ASTN2: variants seen among roughly 807,000 people sequenced by gnomAD.
ASTN2 encodes astrotactin 2.
A neutral mutation model predicts 139.8 loss-of-function variants in ASTN2; 54 were observed. That is an observed-to-expected ratio of 0.39 (90% CI 0.31 to 0.48). The LOEUF (loss-of-function observed/expected upper bound fraction) is 0.48. Ranked by LOEUF, ASTN2 falls within the 20% of genes least tolerant of loss-of-function variation. ASTN2 has a pLI of 0.95. For missense variants in ASTN2, 1,565 were observed against 1,725.1 expected (o/e 0.91, Z 1.64); for synonymous variants, 756 against 719.5 (o/e 1.05, Z -0.81).
At chr9:117,254,225 A>G (rs748459548) in intron 2 of ASTN2, among the ~76,000 whole-genome samples, 1 of 152,188 alleles carries the variant, frequency 6.6e-6, no homozygotes, top group Non-Finnish European at 1.5e-5. Context: ...CATGGTGAGC[A>G]TTCACTAAAT....
At chr9:116,725,748 T>C (rs933561845) in intron 16 of ASTN2, 23 bp downstream of exon 16, 3 of 1,607,684 alleles carry the variant, frequency 1.9e-6, no homozygotes, top group Admixed American at 3.3e-5. Flanking sequence ...GGCCACCTCC[T>C]ACAGTAGGCA....
chr9:117,280,415 G>A (rs2133142496), intron 2 of ASTN2, among the ~76,000 whole-genome samples: 1 of 152,206 alleles, frequency 6.6e-6, no homozygotes, highest in East Asian at 1.9e-4. Flanking sequence ...ATGTAATTGA[G>A]TAAAAAAATC....
intron 5 of ASTN2, among the ~76,000 whole-genome samples, chr9:117,052,443 AAAAAAAAAG>A (rs1838940967): frequency 6.6e-6 from 1 of 151,782 alleles, no homozygotes; most frequent in African/African-American, 2.4e-5. Flanking sequence ...TTAAAAAAAA[AAAAAAAAAG>A]AAAGAAAGAT....
Position 116,908,004 on chromosome 9 carries a change from G to A in ASTN2, c.1890-44271C>T, listed in dbSNP as rs147257115. ...CAGAACTGAGTTATTAGCTAAATGC[G>A]GATAGCCTCACCCCTCACATTTTGA... On this transcript the variant is annotated intron_variant, in intron 10 of 22. Coordinates refer to ENST00000313400, the MANE Select transcript of ASTN2 (RefSeq NM_001365068.1). Among the ~76,000 whole-genome samples, 833 of 152,256 alleles carry A rather than the reference G, an allele frequency of 5.5e-3. 5 individuals carry two copies. Among genetic ancestry groups the A allele is most frequent in the African/African-American group, 0.019 (778 of 41,546 alleles).
At chr9:116,940,634 G>A (rs1199512035) in intron 10 of ASTN2, among the ~76,000 whole-genome samples, 2 of 152,128 alleles carry the variant, frequency 1.3e-5, no homozygotes, top group African/African-American at 4.8e-5. Flanking sequence ...GTTACTACAA[G>A]TCAAAAAGTT....
intron 20 of ASTN2, among the ~76,000 whole-genome samples, chr9:116,486,150 C>A (rs1369912610): frequency 6.6e-6 from 1 of 152,104 alleles, no homozygotes; most frequent in East Asian, 1.9e-4. Context: ...AATGTCAAAG[C>A]CAGATTTGAA....
chr9:117,405,923 G>A (rs1357143340), intron 1 of ASTN2, among the ~76,000 whole-genome samples: 1 of 152,178 alleles, frequency 6.6e-6, no homozygotes, highest in East Asian at 1.9e-4. Flanking sequence ...TCAGGAGACA[G>A]GAGAAGGTAG....
chr9:116,675,617 G>GA (rs1344037694), intron 16 of ASTN2, among the ~76,000 whole-genome samples: 1 of 152,144 alleles, frequency 6.6e-6, no homozygotes, highest in Non-Finnish European at 1.5e-5. Flanking sequence ...CTTGATCAGG[G>GA]ATCTGATTTG....
At chr9:116,961,507 A>G (rs1267646308) in intron 10 of ASTN2, among the ~76,000 whole-genome samples, 1 of 152,172 alleles carries the variant, frequency 6.6e-6, no homozygotes, top group Non-Finnish European at 1.5e-5. Flanking sequence ...CCCTTAGCAT[A>G]GTGTCCTCAA....
chr9:117,398,738 A>G (rs1201799639), intron 1 of ASTN2, among the ~76,000 whole-genome samples: 2 of 152,174 alleles, frequency 1.3e-5, no homozygotes, highest in Non-Finnish European at 2.9e-5. Context: ...TTTCCTTTAC[A>G]ATATCTCCGA....
At chr9:117,020,364 T>C (rs146711350) in intron 6 of ASTN2, among the ~76,000 whole-genome samples, 2 of 151,690 alleles carry the variant, frequency 1.3e-5, no homozygotes, top group Non-Finnish European at 2.9e-5. Context: ...GGTCTCTAGC[T>C]AATTGCCAAG....
chr9:117,129,189 C>T (rs1340781250), intron 4 of ASTN2, among the ~76,000 whole-genome samples: 2 of 152,158 alleles, frequency 1.3e-5, no homozygotes, highest in Non-Finnish European at 2.9e-5. Context: ...GGATTGAAGG[C>T]AAATACCACT....
chr9:117,301,355 AC>A (rs1166519351), intron 1 of ASTN2, among the ~76,000 whole-genome samples: 1 of 152,194 alleles, frequency 6.6e-6, no homozygotes, highest in Non-Finnish European at 1.5e-5. Flanking sequence ...AGAGTGGGTG[AC>A]TAAAGAATGG....
At chr9:117,369,378 C>A (rs1234487253) in intron 1 of ASTN2, among the ~76,000 whole-genome samples, 1 of 151,942 alleles carries the variant, frequency 6.6e-6, no homozygotes, top group Non-Finnish European at 1.5e-5. Flanking sequence ...GGGCCAGGCA[C>A]CATTCAGTGA....
intron 11 of ASTN2, among the ~76,000 whole-genome samples, chr9:116,859,417 G>T (rs10759869): frequency 0.15 from 23,311 of 152,144 alleles, 2,180 homozygotes; most frequent in East Asian, 0.45. Flanking sequence ...GCAAAAATAT[G>T]TCAGATTTTT....
At chr9:116,671,281 A>C (rs1168410260) in intron 16 of ASTN2, among the ~76,000 whole-genome samples, 1 of 152,212 alleles carries the variant, frequency 6.6e-6, no homozygotes, top group African/African-American at 2.4e-5. Flanking sequence ...AAGGTGGTTG[A>C]TAAAACTGAC....
At chr9:116,434,725 G>A (rs1847596600) in intron 22 of ASTN2, among the ~76,000 whole-genome samples, 4 of 152,154 alleles carry the variant, frequency 2.6e-5, no homozygotes, top group Admixed American at 1.3e-4. Context: ...GGCCACCAGT[G>A]AGCTCAGTTT....
intron 1 of ASTN2, among the ~76,000 whole-genome samples, chr9:117,381,892 G>A (rs1409998857): frequency 2.0e-5 from 3 of 152,124 alleles, no homozygotes; most frequent in Non-Finnish European, 2.9e-5. Context: ...TAAAAATAAG[G>A]ATAGTGTTCT....
intron 19 of ASTN2, chr9:116,546,579 C>T (rs945647915): frequency 6.6e-6 from 1 of 152,148 alleles, no homozygotes; most frequent in African/African-American, 2.4e-5. Flanking sequence ...ATTGAGAGAA[C>T]TGCAGAAGAA....
Sources: allele counts gnomAD v4.1 joint callset (sites outside exome capture counted in the v4.1 genomes callset), GRCh38; gene constraint gnomAD v4.1.1; transcripts MANE v1.5; gene names NCBI Gene and HGNC (gene_info 2026-07-23, HGNC 2026-07-21).